The following SULF1 variants were observed in gnomAD, a reference collection of about 807,000 sequenced individuals.
SULF1 encodes extracellular sulfatase Sulf-1.
In SULF1, 46 loss-of-function variants were observed where a neutral mutation model predicts 110.5. That is an observed-to-expected ratio of 0.42 (90% CI 0.33 to 0.53). SULF1 has a LOEUF of 0.53. SULF1 is among the 20% of genes least tolerant of loss of function. SULF1 has a pLI of 0.12. For missense variants in SULF1, 941 were observed against 1,094.2 expected, an observed-to-expected ratio of 0.86 and a Z score of 1.98; for synonymous variants, 371 against 387.1, an observed-to-expected ratio of 0.96 and a Z score of 0.49.
chr8:69,569,538 G>A (rs1374284444), intron 5 of SULF1, among the ~76,000 whole-genome samples: 1 of 152,144 alleles, frequency 6.6e-6, no homozygotes, highest in Non-Finnish European at 1.5e-5. Context: ...AGGTGCAGGT[G>A]CCATTTATCA....
rs542743558 is a variant in SULF1 at position 69,638,299 on chromosome 8, C to T, written c.2285-203C>T. The T allele has an allele frequency of 6.5e-6, 4 of 618,458 alleles. No individual in the cohort carries two copies. The South Asian group carries it at 8.4e-5, about 13-fold the overall frequency. 38.3% of individuals were successfully genotyped at this position (618,458 alleles called of 1,614,324 possible). A position where few individuals can be genotyped will look rare whatever the true frequency, so the allele number is the denominator to read the frequency against. ...TCTTCAGCCTATAAGAGATCACTAT[C>T]TTTTTTCCCATTTTCACCTAGTTTC... On this transcript the variant is annotated intron_variant, in intron 19 of 22. Transcript: ENST00000402687.
In SULF1 at chr8:69,524,345, A is replaced by G. The variant is rs549386471; in HGVS notation, c.-134+22377A>G. On this transcript the variant is annotated intron_variant, in intron 3 of 22. Coordinates refer to ENST00000402687, the MANE Select transcript of SULF1 (RefSeq NM_001128205.2). ...GCAGTACAGGAAACATGGTGCTGGC[A>G]TATACTTCTGGTGAGGCTTACAGTC... Among the ~76,000 whole-genome samples, 3 of 152,252 alleles carry G rather than the reference A, an allele frequency of 2.0e-5. No individual in the cohort carries two copies. The South Asian group carries it at 6.2e-4, about 32-fold the overall frequency.
In SULF1 at chr8:69,642,412, C is replaced by CT. The variant is rs1257743145; in HGVS notation, c.2585+1577dup. ...TGTTATAGCCATGTATGTATGTCTT[C>CT]TTTTTTCTATTTTCTCTTGTTCTTC... On this transcript the variant is annotated intron_variant, in intron 22 of 22. Transcript: ENST00000402687. The CT allele has an allele frequency of 4.1e-6, 4 of 986,806 alleles. No individual in the cohort carries two copies. In the African/African-American group the frequency reaches 7.0e-5, roughly 17 times the overall value. 61.1% of individuals were successfully genotyped at this position (986,806 alleles called of 1,614,324 possible).
chr8:69,519,541 A>G (rs753795439), intron 3 of SULF1, among the ~76,000 whole-genome samples: 2 of 152,178 alleles, frequency 1.3e-5, no homozygotes, highest in African/African-American at 2.4e-5. Flanking sequence ...CATTCCTTGT[A>G]GCTGTAAGAT....
At chr8:69,531,894 G>A (rs1813109753) in intron 3 of SULF1, among the ~76,000 whole-genome samples, 1 of 152,040 alleles carries the variant, frequency 6.6e-6, no homozygotes, top group African/African-American at 2.4e-5. Flanking sequence ...GATTACATAC[G>A]CGGCCACCCC....
chr8:69,555,254 T>G (rs1311988761), intron 3 of SULF1, among the ~76,000 whole-genome samples: 1 of 152,222 alleles, frequency 6.6e-6, no homozygotes, highest in Non-Finnish European at 1.5e-5. Context: ...TATCTGCCTC[T>G]GCGGGAGGCC....
intron 18 of SULF1, among the ~76,000 whole-genome samples, chr8:69,629,178 T>C (rs1388478903): frequency 6.6e-6 from 1 of 152,036 alleles, no homozygotes; most frequent in Non-Finnish European, 1.5e-5. Context: ...GGACTACAGG[T>C]GTGCGCCACC....
intron 22 of SULF1, among the ~76,000 whole-genome samples, chr8:69,657,285 T>G (rs1333604315): frequency 6.6e-6 from 1 of 152,224 alleles, no homozygotes; most frequent in Non-Finnish European, 1.5e-5. Flanking sequence ...TTGCTTCCTC[T>G]TTGTTTTACC....
At chr8:69,608,085 A>T (rs1003605153) in intron 13 of SULF1, among the ~76,000 whole-genome samples, 2 of 152,180 alleles carry the variant, frequency 1.3e-5, no homozygotes, top group African/African-American at 4.8e-5. Context: ...GGTGGAGTCA[A>T]TGTGGGTGCA....
chr8:69,517,322 T>C (rs912934658), intron 3 of SULF1, among the ~76,000 whole-genome samples: 2 of 152,208 alleles, frequency 1.3e-5, no homozygotes, highest in African/African-American at 2.4e-5. Flanking sequence ...GGTCCCACTT[T>C]GTAATACCAT....
At chr8:69,624,283 A>G in intron 15 of SULF1, 86 bp downstream of exon 15, 1 of 1,504,194 alleles carries the variant, frequency 6.6e-7, no homozygotes, top group Non-Finnish European at 8.9e-7. Context: ...CACTTGGCAA[A>G]AAAGCAGTAT....
At position 69,508,168 on chromosome 8, in the gene SULF1, C is replaced by T. The variant is rs566787744; in HGVS notation, c.-134+6200C>T. On this transcript the variant is annotated intron_variant, in intron 3 of 22. Transcript: ENST00000402687. ...TTGCCCAGGCTGAAGTGCAATGGCA[C>T]GATGTCAGCTCACATCAACCTCCGC... 5.9e-5 allele frequency among the ~76,000 whole-genome samples: 9 copies of T among 151,706 alleles called. 1 individual carries two copies. In the South Asian group the frequency reaches 1.2e-3, roughly 21 times the overall value.
At chr8:69,622,870 C>T (rs1449791397) in intron 14 of SULF1, among the ~76,000 whole-genome samples, 2 of 152,100 alleles carry the variant, frequency 1.3e-5, no homozygotes, top group African/African-American at 4.8e-5. Flanking sequence ...TATTGACACC[C>T]CTACTGTCAC....
At chr8:69,553,126 C>T (rs1814848572) in intron 3 of SULF1, among the ~76,000 whole-genome samples, 1 of 152,232 alleles carries the variant, frequency 6.6e-6, no homozygotes, top group South Asian at 2.1e-4. Context: ...GTCAGGCTTG[C>T]TAACCTCCTT....
At position 69,480,674 on chromosome 8, in the gene SULF1, T is replaced by C. The variant is rs1809479366; in HGVS notation, c.-391+13724T>C. The stretch of plus-strand genomic sequence containing the variant: ...TATTCATTATTAGATTATAAATGTA[T>C]TTCCTAGTCATAACTTCCATTTGTT... On this transcript the variant is annotated intron_variant, in intron 1 of 22. Coordinates refer to the SULF1 transcript ENST00000260128. 2.0e-5 allele frequency among the ~76,000 whole-genome samples: 3 copies of C among 152,290 alleles called. No individual in the cohort carries two copies. In the South Asian group the frequency reaches 6.2e-4, roughly 32 times the overall value.
chr8:69,644,504 A>G (rs1362010743), intron 22 of SULF1, among the ~76,000 whole-genome samples: 4 of 152,286 alleles, frequency 2.6e-5, no homozygotes, highest in South Asian at 2.1e-4. Flanking sequence ...GTCACAGGCA[A>G]CCAAGAATTG....
intron 3 of SULF1, among the ~76,000 whole-genome samples, chr8:69,540,353 G>A (rs1813775704): frequency 6.6e-6 from 1 of 152,190 alleles, no homozygotes; most frequent in African/African-American, 2.4e-5. Flanking sequence ...AGGCACTTTT[G>A]CATTTATAAA....
intron 3 of SULF1, among the ~76,000 whole-genome samples, chr8:69,538,074 G>T (rs571658484): frequency 1.3e-5 from 2 of 151,566 alleles, no homozygotes; most frequent in Admixed American, 1.3e-4. Context: ...CCATTCCCCT[G>T]CCTCAGCCTC....
chr8:69,526,798 A>AAGGAAGG (rs1812704738), intron 3 of SULF1, among the ~76,000 whole-genome samples: 13 of 112,286 alleles, frequency 1.2e-4, no homozygotes, highest in Middle Eastern at 5.0e-3. Context: ...GTCAAGAAAG[A>AAGGAAGG]AAGGAAGGAA....
Sources: gnomAD v4.1 joint callset for allele counts (sites outside exome capture counted in the v4.1 genomes callset) on GRCh38, gnomAD v4.1.1 for gene constraint, MANE v1.5 for transcripts, NCBI Gene and HGNC (gene_info 2026-07-23, HGNC 2026-07-21) for gene names.